Variants in HHLA2 observed in about 807,000 individuals in gnomAD.
HHLA2 encodes HERV-H LTR-associating protein 2.
Under a neutral mutation model 45.9 loss-of-function variants are expected in HHLA2, and 48 were observed. That is an observed-to-expected ratio of 1.05 (90% CI 0.83 to 1.33). HHLA2 has a LOEUF of 1.33. Ranked by LOEUF, HHLA2 falls within the 40% of genes most tolerant of loss-of-function variation. The pLI is 0.00. For synonymous variants in HHLA2, 161 were observed against 173.9 expected (o/e 0.93, Z 0.59); for missense variants, 462 against 494.3 (o/e 0.93, Z 0.62).
chr3:108,342,248 CTTCT>C (rs1287863928), intron 3 of HHLA2, among the ~76,000 whole-genome samples: 1 of 131,742 alleles, frequency 7.6e-6, no homozygotes, highest in Non-Finnish European at 1.6e-5. Flanking sequence ...GCTCCTTTTT[CTTCT>C]TTCTCTCTTT....
At chr3:108,358,411 A>C (rs1170076162) in intron 7 of HHLA2, among the ~76,000 whole-genome samples, 1 of 152,142 alleles carries the variant, frequency 6.6e-6, no homozygotes, top group Non-Finnish European at 1.5e-5. Flanking sequence ...AATGAGGAGG[A>C]AACACATTTT....
chr3:108,347,564 T>G (rs1576151245), intron 3 of HHLA2, among the ~76,000 whole-genome samples: 1 of 152,196 alleles, frequency 6.6e-6, no homozygotes, highest in Non-Finnish European at 1.5e-5. Context: ...GGGATTTAAT[T>G]AGGAGAATAT....
At chr3:108,305,996 G>A (rs2080923123) in intron 1 of HHLA2, among the ~76,000 whole-genome samples, 1 of 152,132 alleles carries the variant, frequency 6.6e-6, no homozygotes, top group Non-Finnish European at 1.5e-5. Context: ...CTCAGCTGAT[G>A]CTCCACTGAT....
At chr3:108,351,416 GT>G (rs1374487035) in intron 3 of HHLA2, among the ~76,000 whole-genome samples, 1 of 152,144 alleles carries the variant, frequency 6.6e-6, no homozygotes, top group Non-Finnish European at 1.5e-5. Context: ...GAGAACCACT[GT>G]TGCAGATATA....
intron 8 of HHLA2, among the ~76,000 whole-genome samples, chr3:108,368,846 A>G (rs1382160180): frequency 6.6e-6 from 1 of 152,186 alleles, no homozygotes; most frequent in East Asian, 1.9e-4. Flanking sequence ...AAGGATATTC[A>G]GAACTTGAAC....
exon 7 of HHLA2, chr3:108,357,857 A>G: frequency 6.2e-7 from 1 of 1,603,888 alleles, no homozygotes; most frequent in Non-Finnish European, 8.5e-7. Flanking sequence ...GCCTTCATAA[A>G]ATGCAAAGTG....
intron 1 of HHLA2, among the ~76,000 whole-genome samples, chr3:108,309,242 C>A (rs1039842106): frequency 6.6e-6 from 1 of 152,280 alleles, no homozygotes; most frequent in South Asian, 2.1e-4. Flanking sequence ...TCCAGTTTTG[C>A]AAGCACCATA....
At chr3:108,319,081 C>T (rs942333566) in intron 2 of HHLA2, among the ~76,000 whole-genome samples, 13 of 152,216 alleles carry the variant, frequency 8.5e-5, no homozygotes, top group Admixed American at 3.9e-4. Context: ...TTCCCACATC[C>T]GAAATTCCTG....
chr3:108,309,804 G>A (rs62266177), intron 1 of HHLA2, among the ~76,000 whole-genome samples: 10,300 of 152,094 alleles, frequency 0.068, 480 homozygotes, highest in Non-Finnish European at 0.092. Flanking sequence ...CCCATGCTCT[G>A]GTTGTTGGAA....
chr3:108,297,983 G>T (rs1203596539), intron 1 of HHLA2, among the ~76,000 whole-genome samples: 1 of 152,174 alleles, frequency 6.6e-6, no homozygotes, highest in Non-Finnish European at 1.5e-5. Context: ...TGGAGAGTTT[G>T]TTCTGAGTTA....
chr3:108,373,230 C>T (rs1412919767), intron 8 of HHLA2, among the ~76,000 whole-genome samples: 1 of 152,156 alleles, frequency 6.6e-6, no homozygotes, highest in African/African-American at 2.4e-5. Context: ...ACAAAAACGA[C>T]ATGATTATCT....
intron 3 of HHLA2, among the ~76,000 whole-genome samples, chr3:108,348,365 T>C (rs1293418163): frequency 6.6e-6 from 1 of 152,154 alleles, no homozygotes; most frequent in Non-Finnish European, 1.5e-5. Flanking sequence ...TTGGTGTTCT[T>C]GGTAATACTG....
chr3:108,362,472 C>A, intron 8 of HHLA2, 26 bp downstream of exon 7: 2 of 1,391,946 alleles, frequency 1.4e-6, no homozygotes, highest in Non-Finnish European at 2.0e-6. Context: ...GGGCTCTGCC[C>A]CACGTGTTCC....
intron 3 of HHLA2, among the ~76,000 whole-genome samples, chr3:108,331,696 C>T (rs2081388549): frequency 6.6e-6 from 1 of 152,122 alleles, no homozygotes; most frequent in Non-Finnish European, 1.5e-5. Flanking sequence ...CAGTGAATGA[C>T]AAGCACACCC....
intron 3 of HHLA2, among the ~76,000 whole-genome samples, chr3:108,350,046 G>T (rs1003819660): frequency 6.6e-6 from 1 of 151,938 alleles, no homozygotes; most frequent in Non-Finnish European, 1.5e-5. Context: ...GAGGCAAAAG[G>T]TATTATTACA....
chr3:108,319,078 A>G (rs911158768), intron 2 of HHLA2, among the ~76,000 whole-genome samples: 5 of 152,028 alleles, frequency 3.3e-5, no homozygotes, highest in Non-Finnish European at 7.4e-5. Context: ...TCCTTCCCAC[A>G]TCCGAAATTC....
exon 7 of HHLA2, chr3:108,357,900 G>A (rs778952594): frequency 1.2e-6 from 2 of 1,613,782 alleles, no homozygotes; most frequent in East Asian, 4.5e-5. Flanking sequence ...ACCTGTAAAT[G>A]ATTATTTTTC....
At chr3:108,375,910 T>C in intron 9 of HHLA2, 110 bp downstream of exon 8, 3 of 1,384,006 alleles carry the variant, frequency 2.2e-6, no homozygotes, top group Non-Finnish European at 2.9e-6. Flanking sequence ...AATAGATATA[T>C]TCCATACTTC....
At chr3:108,375,883 T>C (rs919793827) in intron 9 of HHLA2, 83 bp downstream of exon 8, 3 of 1,523,372 alleles carry the variant, frequency 2.0e-6, no homozygotes, top group African/African-American at 2.8e-5. Flanking sequence ...TCTGTCACAG[T>C]ATTGGCCACT....
Sources: gnomAD v4.1 joint callset for allele counts (sites outside exome capture counted in the v4.1 genomes callset) on GRCh38, gnomAD v4.1.1 for gene constraint, MANE v1.5 for transcripts, NCBI Gene and HGNC (gene_info 2026-07-23, HGNC 2026-07-21) for gene names.